The following FARS2 variants were observed in gnomAD, a reference collection of about 807,000 sequenced individuals.
The protein encoded by FARS2 is phenylalanyl-tRNA synthetase 2, mitochondrial.
A neutral mutation model predicts 46.4 loss-of-function variants in FARS2; 40 were observed. The observed-to-expected ratio is 0.86, with a 90% CI of 0.67 to 1.12. FARS2 has a LOEUF of 1.12. Ranked by LOEUF, FARS2 falls within the 50% of genes most tolerant of loss-of-function variation. The pLI is 0.00. For synonymous variants in FARS2, 234 were observed against 214.9 expected, an observed-to-expected ratio of 1.09 and a Z score of -0.78; for missense variants, 513 against 567.9, an observed-to-expected ratio of 0.90 and a Z score of 0.98.
At chr6:5,415,000 G>A (rs1165099037) in intron 3 of FARS2, among the ~76,000 whole-genome samples, 1 of 151,480 alleles carries the variant, frequency 6.6e-6, no homozygotes, top group Non-Finnish European at 1.5e-5. Context: ...TGTATTTTTA[G>A]TAGAGACCGG....
At chr6:5,673,936 A>G (rs2150815328) in intron 6 of FARS2, among the ~76,000 whole-genome samples, 1 of 152,238 alleles carries the variant, frequency 6.6e-6, no homozygotes, top group East Asian at 1.9e-4. Context: ...GGTTTATGGA[A>G]TCCTTTAATC....
intron 6 of FARS2, among the ~76,000 whole-genome samples, chr6:5,766,164 G>A (rs927355197): frequency 6.6e-6 from 1 of 152,220 alleles, no homozygotes; most frequent in African/African-American, 2.4e-5. Flanking sequence ...GAGAACTTTT[G>A]TTTGCCTCTA....
At chr6:5,252,190 T>C in the FARS2 span, among the ~76,000 whole-genome samples, 14 of 152,308 alleles carry the variant, frequency 9.2e-5, no homozygotes, top group South Asian at 2.9e-3. Flanking sequence ...CAGGTTGATG[T>C]TTCTACAGAT....
chr6:5,661,088 G>T (rs1777832662), intron 6 of FARS2, among the ~76,000 whole-genome samples: 1 of 152,244 alleles, frequency 6.6e-6, no homozygotes, highest in South Asian at 2.1e-4. Context: ...AACTGAGGTT[G>T]TGGCGAGGGG....
At chr6:5,602,645 CAAAAAA>C (rs55712653) in intron 5 of FARS2, among the ~76,000 whole-genome samples, 9,545 of 71,992 alleles carry the variant, frequency 0.13, 685 homozygotes, top group African/African-American at 0.25. Context: ...GACTCCGTCT[CAAAAAA>C]AAAAAAAAAA....
At chr6:5,576,569 ATATATCTATGATATAT>A (rs1772979208) in intron 5 of FARS2, among the ~76,000 whole-genome samples, 1 of 146,206 alleles carries the variant, frequency 6.8e-6, no homozygotes, top group Admixed American at 6.8e-5. Context: ...TATATAGAGT[ATATATCTATGATATAT>A]ACTCTATATA....
intron 5 of FARS2, among the ~76,000 whole-genome samples, chr6:5,588,977 C>G (rs1773770312): frequency 6.6e-6 from 1 of 152,226 alleles, no homozygotes; most frequent in Non-Finnish European, 1.5e-5. Context: ...TCCTAATAGT[C>G]TTTCTTGACA....
intron 5 of FARS2, among the ~76,000 whole-genome samples, chr6:5,563,337 A>T (rs1321126584): frequency 6.6e-6 from 1 of 152,200 alleles, no homozygotes; most frequent in Non-Finnish European, 1.5e-5. Context: ...TGCCAGGAAC[A>T]TGTGGGGAAA....
intron 2 of FARS2, among the ~76,000 whole-genome samples, chr6:5,385,489 T>C (rs1760065005): frequency 6.6e-6 from 1 of 151,496 alleles, no homozygotes; most frequent in Admixed American, 6.6e-5. Flanking sequence ...TGGCATGACC[T>C]CGGCTCACTG....
intron 6 of FARS2, among the ~76,000 whole-genome samples, chr6:5,746,414 T>C (rs1198399266): frequency 6.6e-6 from 1 of 152,200 alleles, no homozygotes; most frequent in Non-Finnish European, 1.5e-5. Flanking sequence ...TCATTTGCAC[T>C]TGGAGTGCAA....
intron 4 of FARS2, among the ~76,000 whole-genome samples, chr6:5,529,134 T>G (rs1379097693): frequency 6.6e-6 from 1 of 152,236 alleles, no homozygotes; most frequent in African/African-American, 2.4e-5. Context: ...ACTTTAGTTT[T>G]CTTATCTATA....
chr6:5,296,766 A>G (rs1767923291), intron 1 of FARS2, among the ~76,000 whole-genome samples: 1 of 152,106 alleles, frequency 6.6e-6, no homozygotes, highest in Middle Eastern at 3.2e-3. Flanking sequence ...CTTCCTTTTT[A>G]AGGCCGAGTA....
At chr6:5,251,232 G>C in the FARS2 span, among the ~76,000 whole-genome samples, 4 of 152,170 alleles carry the variant, frequency 2.6e-5, no homozygotes, top group Non-Finnish European at 4.4e-5. Flanking sequence ...TGGATTTGTT[G>C]ATTTGTCTCC....
At chr6:5,550,969 G>A (rs1771337842) in intron 5 of FARS2, among the ~76,000 whole-genome samples, 1 of 152,186 alleles carries the variant, frequency 6.6e-6, no homozygotes, top group Non-Finnish European at 1.5e-5. Flanking sequence ...TGCACTCATG[G>A]CTTTCTCTCC....
intron 4 of FARS2, among the ~76,000 whole-genome samples, chr6:5,532,723 C>G (rs1239886813): frequency 2.0e-5 from 3 of 151,980 alleles, no homozygotes; most frequent in African/African-American, 7.3e-5. Context: ...TGCACTCCAT[C>G]CTGGGCAACA....
At chr6:5,378,258 A>AAACCACTGTCCTC (rs920971434) in intron 2 of FARS2, among the ~76,000 whole-genome samples, 104 of 151,968 alleles carry the variant, frequency 6.8e-4, no homozygotes, top group East Asian at 4.1e-3. Flanking sequence ...CACTGTCCTC[A>AAACCACTGTCCTC]AACCACTGTC....
intron 5 of FARS2, among the ~76,000 whole-genome samples, chr6:5,572,429 A>G (rs779653581): frequency 1.3e-5 from 2 of 152,082 alleles, no homozygotes; most frequent in Non-Finnish European, 2.9e-5. Context: ...TCGCACCAGG[A>G]CCCACCTCCA....
At chr6:5,369,215 A>G (rs1466938499) in intron 2 of FARS2, 33 bp downstream of exon 2, 3 of 1,588,382 alleles carry the variant, frequency 1.9e-6, no homozygotes, top group Admixed American at 3.4e-5. Flanking sequence ...TCGCTGAAGG[A>G]TGTCATAGAC....
At chr6:5,328,950 C>T (rs985893863) in intron 1 of FARS2, among the ~76,000 whole-genome samples, 2 of 151,868 alleles carry the variant, frequency 1.3e-5, no homozygotes, top group African/African-American at 4.8e-5. Context: ...AAATCTTTGC[C>T]GGAGGTAAAG....
Sources: allele counts gnomAD v4.1 joint callset (sites outside exome capture counted in the v4.1 genomes callset), GRCh38; gene constraint gnomAD v4.1.1; transcripts MANE v1.5; gene names NCBI Gene and HGNC (gene_info 2026-07-23, HGNC 2026-07-21).